MTG2: variants seen among roughly 807,000 people sequenced by gnomAD.
MTG2 encodes the protein mitochondrial ribosome-associated GTPase 2.
Under a neutral mutation model 28.6 loss-of-function variants are expected in MTG2, and 23 were observed. That is an observed-to-expected ratio of 0.80 (90% CI 0.58 to 1.14). MTG2 has a LOEUF of 1.14. MTG2 is among the 50% of genes most tolerant of loss of function. The pLI is 0.00. For synonymous variants in MTG2, 260 were observed against 251.8 expected (o/e 1.03, Z -0.31); for missense variants, 539 against 552.0 (o/e 0.98, Z 0.24).
At position 62,193,804 on chromosome 20, in the gene MTG2, G is replaced by A. The variant is rs953886607; in HGVS notation, c.204+180G>A. 9.4e-6 allele frequency: 6 copies of A among 638,202 alleles called. No individual in the cohort carries two copies. In the East Asian group the frequency reaches 1.1e-4, roughly 12 times the overall value. The allele number at this position is 638,202 out of a possible 1,614,324, so 39.5% of individuals were successfully genotyped here. A position where few individuals can be genotyped will look rare whatever the true frequency, so the allele number is the denominator to read the frequency against. On this transcript the variant is annotated intron_variant, in intron 2 of 6. Coordinates refer to ENST00000370823, the MANE Select transcript of MTG2 (RefSeq NM_015666.4). Reference sequence around the variant, plus strand: ...CGCAGGCCTGCGTGCTAAATCCCACGCTCAGCAAATCCCAGCAGGCTGGGA... The same window carrying A: ...CGCAGGCCTGCGTGCTAAATCCCACACTCAGCAAATCCCAGCAGGCTGGGA...
intron 1 of MTG2, among the ~76,000 whole-genome samples, chr20:62,186,151 GT>G (rs2057841001): frequency 6.6e-6 from 1 of 152,138 alleles, no homozygotes; most frequent in South Asian, 2.1e-4. Flanking sequence ...TCCCCAACCT[GT>G]TTTTATGCAC....
chr20:62,195,727 T>G (rs1417806269), intron 2 of MTG2, 75 bp from the exon 3 acceptor site: 6 of 1,562,308 alleles, frequency 3.8e-6, no homozygotes, highest in Non-Finnish European at 5.3e-6. Context: ...AAGATGTACA[T>G]CTCAAATGGA....
At chr20:62,195,535 A>C (rs1823532536) in intron 2 of MTG2, among the ~76,000 whole-genome samples, 1 of 152,220 alleles carries the variant, frequency 6.6e-6, no homozygotes, top group South Asian at 2.1e-4. Flanking sequence ...TCTCACCCAG[A>C]GTAAGAAATG....
intron 1 of MTG2, among the ~76,000 whole-genome samples, chr20:62,187,051 C>A (rs1018641925): frequency 1.3e-5 from 2 of 152,178 alleles, no homozygotes; most frequent in Non-Finnish European, 2.9e-5. Flanking sequence ...CTTATCAGGG[C>A]GAAGATGTTC....
At chr20:62,184,869 G>T (rs1228309831) in intron 1 of MTG2, among the ~76,000 whole-genome samples, 1 of 152,234 alleles carries the variant, frequency 6.6e-6, no homozygotes, top group Non-Finnish European at 1.5e-5. Flanking sequence ...CAGCACTTTG[G>T]GGGGCCGAGG....
chr20:62,192,084 G>A (rs1461336709), intron 1 of MTG2, among the ~76,000 whole-genome samples: 1 of 152,196 alleles, frequency 6.6e-6, no homozygotes, highest in Non-Finnish European at 1.5e-5. Flanking sequence ...CACCAGCCAG[G>A]CATCCTGTAA....
chr20:62,197,953 G>A lies in MTG2; in HGVS notation c.454G>A (p.Val152Ile), dbSNP rs145129303. Reference protein sequence around the residue: ...SKNCFGRSGAVLYIRVPVGTL... With the variant: ...SKNCFGRSGAILYIRVPVGTL... ...AAACTGCTTCGGGCGCAGTGGCGCC[G>A]TCCTCTACATCCGGGTGAGCCGAGA... is the stretch of plus-strand genomic sequence containing the variant. Residue 152 changes from valine to isoleucine, a missense_variant, in exon 4 of 7, where the codon GTC becomes ATC. Physicochemically the swap from Val to Ile is conservative, Grantham distance 29 (BLOSUM62 3). Transcript: ENST00000370823. 1,109 of 1,613,832 alleles carry A rather than the reference G, an allele frequency of 6.9e-4. No individual in the cohort carries two copies. Among genetic ancestry groups the A allele is most frequent in the Non-Finnish European group, 8.5e-4 (1,004 of 1,179,774 alleles).
intron 3 of MTG2, 198 bp from the exon 4 acceptor site, chr20:62,197,654 A>G (rs2058084396): frequency 3.6e-6 from 2 of 563,296 alleles, no homozygotes; most frequent in Middle Eastern, 3.9e-4. Context: ...AAAAATTTTC[A>G]GAAATGATAG....
At chr20:62,200,465 C>T (rs2058145370) in intron 6 of MTG2, among the ~76,000 whole-genome samples, 1 of 152,196 alleles carries the variant, frequency 6.6e-6, no homozygotes. Context: ...CATCTCCAAG[C>T]ATTGAATTCC....
At chr20:62,193,089 T>C (rs1421078921) in intron 1 of MTG2, among the ~76,000 whole-genome samples, 1 of 152,266 alleles carries the variant, frequency 6.6e-6, no homozygotes, top group Non-Finnish European at 1.5e-5. Context: ...AATTTTGACT[T>C]GCACTTCAGA....
intron 1 of MTG2, among the ~76,000 whole-genome samples, chr20:62,190,166 G>C (rs75457691): frequency 0.02 from 3,091 of 152,242 alleles, 52 homozygotes; most frequent in Non-Finnish European, 0.031. Flanking sequence ...GGAGGTTCCA[G>C]TCTGCACACC....
Position 62,200,720 on chromosome 20 carries a change from G to A in MTG2, c.864G>A (p.Gln288=), listed in dbSNP as rs1248751600. ...DIPGIIRGAH[Q]NRGLGSAFLR... is the part of the protein sequence containing the mutation. The stretch of plus-strand genomic sequence containing the variant: ...CCGGCATCATACGAGGCGCCCACCA[G>A]AACAGGGGTCTGGGGTCCGCCTTCC... The change falls in exon 7 of 7, where the codon CAG becomes CAA. Residue 288 remains glutamine, a synonymous_variant. Coordinates refer to ENST00000370823, the MANE Select transcript of MTG2 (RefSeq NM_015666.4). 1 of 1,612,994 alleles carries A rather than the reference G, an allele frequency of 6.2e-7. No individual in the cohort carries two copies. Among genetic ancestry groups the A allele is most frequent in the Non-Finnish European group, 8.5e-7 (1 of 1,179,984 alleles).
Position 62,198,705 on chromosome 20 carries a change from C to T in MTG2, c.540C>T (p.Tyr180=), listed in dbSNP as rs199979120. 3.6e-5 allele frequency: 58 copies of T among 1,614,166 alleles called. No homozygotes were observed. The highest frequency in any genetic ancestry group is 1.6e-4 in the Middle Eastern group (1 of 6,062). ...ACCTGTCTTGCGTGGGAGATGAGTA[C>T]ATTGCCGCGCTGGGCGGGGCAGGAG... is the stretch of plus-strand genomic sequence containing the variant. ...VADLSCVGDE[Y]IAALGGAGGK... The change falls in exon 5 of 7, where the codon TAC becomes TAT. Residue 180 remains tyrosine (Y), a synonymous_variant. Coordinates refer to ENST00000370823, the MANE Select transcript of MTG2 (RefSeq NM_015666.4).
intron 6 of MTG2, 143 bp downstream of exon 6, chr20:62,199,400 C>G (rs1407662576): frequency 4.9e-6 from 5 of 1,024,858 alleles, no homozygotes; most frequent in Non-Finnish European, 6.9e-6. Context: ...AACCCCAGCA[C>G]TTTGGGAGGC....
chr20:62,197,739 C>G, intron 3 of MTG2, 113 bp from the exon 4 acceptor site: 1 of 760,390 alleles, frequency 1.3e-6, no homozygotes, highest in Non-Finnish European at 2.2e-6. Context: ...GCTGCACCCT[C>G]ACTCCATGCT....
At chr20:62,200,471 A>C (rs2058145496) in intron 6 of MTG2, among the ~76,000 whole-genome samples, 1 of 152,220 alleles carries the variant, frequency 6.6e-6, no homozygotes. Context: ...CAAGCATTGA[A>C]TTCCTCAGGT....
At chr20:62,198,521 G>A (rs889114786) in intron 4 of MTG2, 113 bp from the exon 5 acceptor site, 110 of 1,176,856 alleles carry the variant, frequency 9.3e-5, no homozygotes, top group Admixed American at 1.8e-4. Flanking sequence ...GCAGCTGCCC[G>A]GGGCACAGTC....
intron 1 of MTG2, among the ~76,000 whole-genome samples, chr20:62,186,930 T>C (rs951859952): frequency 4.6e-5 from 7 of 152,198 alleles, no homozygotes; most frequent in Non-Finnish European, 1.0e-4. Flanking sequence ...GAAAGGACAT[T>C]GTTGCATAGC....
At chr20:62,187,578 A>G (rs1294179778) in intron 1 of MTG2, among the ~76,000 whole-genome samples, 3 of 152,154 alleles carry the variant, frequency 2.0e-5, no homozygotes, top group African/African-American at 7.2e-5. Flanking sequence ...TTTTTCAAGA[A>G]ATTTGTCCAT....
Sources: gnomAD v4.1 joint callset for allele counts (sites outside exome capture counted in the v4.1 genomes callset) on GRCh38, gnomAD v4.1.1 for gene constraint, MANE v1.5 for transcripts, NCBI Gene and HGNC (gene_info 2026-07-23, HGNC 2026-07-21) for gene names.